The following ITIH4 variants were observed in gnomAD, a reference collection of about 807,000 sequenced individuals.
The protein encoded by ITIH4 is inter-alpha-trypsin inhibitor heavy chain 4, also known as inter-alpha-trypsin inhibitor heavy chain H4.
In ITIH4, 79 loss-of-function variants were observed where a neutral mutation model predicts 111.8. That is an observed-to-expected ratio of 0.71 (90% CI 0.59 to 0.85). ITIH4 has a LOEUF of 0.85. Ranked by LOEUF, ITIH4 falls within the 40% of genes least tolerant of loss-of-function variation. ITIH4 has a pLI of 0.00. For missense variants in ITIH4, 1,065 were observed against 1,195.8 expected (o/e 0.89, Z 1.61); for synonymous variants, 472 against 468.3 (o/e 1.01, Z -0.10).
At chr3:52,826,190 G>A (rs1700477265) in intron 5 of ITIH4, among the ~76,000 whole-genome samples, 176 bp from the exon 6 acceptor site, 1 of 152,188 alleles carries the variant, frequency 6.6e-6, no homozygotes, top group Non-Finnish European at 1.5e-5. Flanking sequence ...GTAGGGGAGG[G>A]GTGTGATGAG....
chr3:52,814,626 C>T (rs1453226611), intron 21 of ITIH4, among the ~76,000 whole-genome samples: 6 of 152,066 alleles, frequency 3.9e-5, no homozygotes, highest in Non-Finnish European at 7.4e-5. Flanking sequence ...TCACTCTGTC[C>T]CCCAGGCTGC....
chr3:52,820,693 A>G lies in ITIH4; in HGVS notation c.1772T>C (p.Met591Thr), dbSNP rs769688616. Reference sequence around the variant, plus strand: ...TTGGTCATCGGGTTTGGTGACTACCATAGATGTGAGAGGCGTGACAAAGCT... The same window carrying G: ...TTGGTCATCGGGTTTGGTGACTACCGTAGATGTGAGAGGCGTGACAAAGCT... ...AYSFVTPLTS[M>T]VVTKPDDQEQ... Residue 591 changes from methionine to threonine, a missense_variant, in exon 13 of 24, where the codon ATG becomes ACG. Physicochemically the swap from Met to Thr is moderately conservative, Grantham distance 81. Transcript: ENST00000266041. The G allele has an allele frequency of 4.3e-6, 7 of 1,614,028 alleles. No individual in the cohort carries two copies. Among genetic ancestry groups the G allele is most frequent in the Non-Finnish European group, 8.5e-7 (1 of 1,180,018 alleles).
chr3:52,830,125 C>A (rs960536531), intron 1 of ITIH4: 27 of 348,794 alleles, frequency 7.7e-5, no homozygotes, highest in African/African-American at 5.1e-4. Context: ...TTCATAGATA[C>A]AATGGGTTTG....
intron 20 of ITIH4, among the ~76,000 whole-genome samples, chr3:52,817,673 C>T (rs1208328729): frequency 1.3e-5 from 2 of 152,222 alleles, no homozygotes; most frequent in African/African-American, 2.4e-5. Context: ...CTGTACTCTG[C>T]AGGCACTAAC....
In ITIH4 at chr3:52,818,167, G is replaced by T; in HGVS notation, c.2181C>A (p.Ala727=). Residue 727 remains alanine (A), a splice_region_variant and synonymous_variant, in exon 20 of 24, where the codon GCC becomes GCA. Transcript: ENST00000266041. The part of the protein sequence containing the change: ...EETTMTTQTP[A]PIQAPSAILP... Reference sequence around the variant, plus strand: ...GGATGGCAGAGGGAGCCTGTATGGGGGCTGGGACAGCCGGGGCACGGCTCC... The same window carrying T: ...GGATGGCAGAGGGAGCCTGTATGGGTGCTGGGACAGCCGGGGCACGGCTCC... 1 of 1,609,438 alleles carries T rather than the reference G, an allele frequency of 6.2e-7. No individual in the cohort carries two copies. Among genetic ancestry groups the T allele is most frequent in the East Asian group, 2.2e-5 (1 of 44,752 alleles).
At chr3:52,826,989 A>G in intron 3 of ITIH4, 36 bp from the exon 4 acceptor site, 1 of 1,613,770 alleles carries the variant, frequency 6.2e-7, no homozygotes, top group Admixed American at 1.7e-5. Context: ...CTCCTCCAGG[A>G]CAGGTGGGGT....
At chr3:52,829,571 C>T (rs898604152) in intron 1 of ITIH4, among the ~76,000 whole-genome samples, 1 of 152,202 alleles carries the variant, frequency 6.6e-6, no homozygotes, top group Non-Finnish European at 1.5e-5. Flanking sequence ...GAAGAACAAG[C>T]ATGCAGGGGG....
Position 52,820,624 on chromosome 3 carries a change from C to T in ITIH4, c.1834+7G>A, listed in dbSNP as rs766772839. The T allele has an allele frequency of 1.9e-6, 3 of 1,604,090 alleles. No individual in the cohort carries two copies. The highest frequency in any genetic ancestry group is 3.4e-5 in the Admixed American group (2 of 58,938). On this transcript the variant is annotated splice_region_variant and intron_variant, in intron 13 of 23. Coordinates refer to ENST00000266041, the MANE Select transcript of ITIH4 (RefSeq NM_002218.5). ...CTGGGAGGCTGAGATCTCAACCCCA[C>T]ACCCACCGCCTTCCATGGGCTTCTC...
intron 16 of ITIH4, 90 bp downstream of exon 16, chr3:52,819,664 C>G: frequency 6.3e-7 from 1 of 1,578,258 alleles, no homozygotes; most frequent in Non-Finnish European, 8.7e-7. Flanking sequence ...AGCCTCTCCC[C>G]CAACAGCTGG....
In ITIH4 at chr3:52,823,643, G is replaced by A; in HGVS notation, c.1452C>T (p.Leu484=). The change falls in exon 11 of 24, where the codon CTC becomes CTT. Residue 484 remains leucine (L), a synonymous_variant. Transcript: ENST00000266041. ...CCACCATCTCTGAGCCCTTGAAGAG[G>A]AGCCGGAAGTTGTTCTGAGTGACCT... ...VEEVTQNNFR[L]LFKGSEMVVA... is the part of the protein sequence containing the mutation. 6.2e-7 allele frequency: 1 copy of A among 1,614,188 alleles called. No homozygotes were observed. Among genetic ancestry groups the A allele is most frequent in the Non-Finnish European group, 8.5e-7 (1 of 1,180,034 alleles).
At chr3:52,828,290 G>A (rs1700516430) in intron 2 of ITIH4, among the ~76,000 whole-genome samples, 1 of 152,244 alleles carries the variant, frequency 6.6e-6, no homozygotes, top group Admixed American at 6.5e-5. Flanking sequence ...AGCCCGTGGG[G>A]CTTGCACTGC....
Position 52,818,454 on chromosome 3 carries a change from G to A in ITIH4, c.2152+8C>T, listed in dbSNP as rs1333591763. On this transcript the variant is annotated splice_region_variant and intron_variant, in intron 18 of 23. Coordinates refer to ENST00000266041, the MANE Select transcript of ITIH4 (RefSeq NM_002218.5). ...CTGTTAGGACAGGGCCTCTGGCCTT[G>A]GGGGCACCTTCGATTTTCATATTCA... 1 of 1,597,770 alleles carries A rather than the reference G, an allele frequency of 6.3e-7. No individual in the cohort carries two copies. The highest frequency in any genetic ancestry group is 1.7e-5 in the Admixed American group (1 of 57,276).
intron 20 of ITIH4, among the ~76,000 whole-genome samples, chr3:52,817,846 C>T (rs1700306831): frequency 6.6e-6 from 1 of 152,234 alleles, no homozygotes; most frequent in Admixed American, 6.5e-5. Flanking sequence ...CCTTGGCCAC[C>T]CACACCTGCA....
Position 52,823,898 on chromosome 3 carries a change from C to T in ITIH4, c.1278G>A (p.Leu426=). The T allele has an allele frequency of 1.2e-6, 2 of 1,613,506 alleles. No homozygotes were observed. Among genetic ancestry groups the T allele is most frequent in the Middle Eastern group, 3.3e-4 (2 of 6,062 alleles). Residue 426 remains leucine, a synonymous_variant, in exon 10 of 24, where the codon CTG becomes CTA. Transcript: ENST00000266041. ...GFGFDVSYAF[L]EKLALDNGGL... Reference sequence around the variant, plus strand: ...CGCCATTGTCCAGTGCCAGCTTCTCCAGGAAGGCATAGCTGACGTCGAAAC... The same window carrying T: ...CGCCATTGTCCAGTGCCAGCTTCTCTAGGAAGGCATAGCTGACGTCGAAAC...
At chr3:52,813,575 A>G (rs1277374581) in intron 23 of ITIH4, 85 bp from the exon 24 acceptor site, 5 of 1,230,840 alleles carry the variant, frequency 4.1e-6, no homozygotes, top group Non-Finnish European at 6.0e-6. Context: ...GGGGACAGGA[A>G]CATGGAGGGC....
intron 5 of ITIH4, 64 bp downstream of exon 5, chr3:52,826,477 C>A: frequency 8.2e-7 from 1 of 1,226,756 alleles, no homozygotes; most frequent in Admixed American, 1.7e-5. Context: ...GAAATCCGGG[C>A]TCATAGGGCT....
chr3:52,815,794 G>A (rs1167325547), intron 21 of ITIH4, among the ~76,000 whole-genome samples: 2 of 151,238 alleles, frequency 1.3e-5, no homozygotes, highest in African/African-American at 4.9e-5. Flanking sequence ...CCAGCTTCAA[G>A]CAATTCTCAG....
At position 52,820,445 on chromosome 3, in the gene ITIH4, G is replaced by A. The variant is rs1324795845; in HGVS notation, c.1835-128C>T. On this transcript the variant is annotated intron_variant, in intron 13 of 23. Coordinates refer to ENST00000266041, the MANE Select transcript of ITIH4 (RefSeq NM_002218.5). ...TACCCAATCCTGGACTATATCGTAG[G>A]TGCAATGAATTTGGGGAGACAGGAG... 5 of 1,202,386 alleles carry A rather than the reference G, an allele frequency of 4.2e-6. No homozygotes were observed. The East Asian group carries it at 1.0e-4, about 24-fold the overall frequency. The allele number at this position is 1,202,386 out of a possible 1,614,324, so 74.5% of individuals were successfully genotyped here.
intron 11 of ITIH4, chr3:52,823,296 A>G: frequency 2.1e-6 from 1 of 469,246 alleles, no homozygotes; most frequent in South Asian, 3.2e-5. Flanking sequence ...GTACCAGGAC[A>G]GGAAGGGATG....
Sources: allele counts gnomAD v4.1 joint callset (sites outside exome capture counted in the v4.1 genomes callset), GRCh38; gene constraint gnomAD v4.1.1; transcripts MANE v1.5; gene names NCBI Gene and HGNC (gene_info 2026-07-23, HGNC 2026-07-21).